TMEM132C: variants seen among roughly 807,000 people sequenced by gnomAD.
The protein encoded by TMEM132C is protein phosphatase 1, regulatory subunit 152.
TMEM132C carries 29 observed loss-of-function variants against 61.4 expected under a neutral mutation model. That is an observed-to-expected ratio of 0.47 (90% CI 0.35 to 0.64). TMEM132C has a LOEUF of 0.64. TMEM132C is among the 30% of genes least tolerant of loss of function. The probability of loss-of-function intolerance (pLI) is 0.00; values close to 1 mark genes in which losing one functional copy is unlikely to be tolerated. For missense variants in TMEM132C, 1,408 were observed against 1,476.9 expected (o/e 0.95, Z 0.76); for synonymous variants, 656 against 633.1 (o/e 1.04, Z -0.54).
At chr12:128,585,549 G>T (rs1327628363) in intron 3 of TMEM132C, among the ~76,000 whole-genome samples, 1 of 152,260 alleles carries the variant, frequency 6.6e-6, no homozygotes, top group Non-Finnish European at 1.5e-5. Flanking sequence ...CATCTATCAT[G>T]GCATTGGGGA....
At chr12:128,352,143 C>T (rs1011109836) in intron 1 of TMEM132C, among the ~76,000 whole-genome samples, 1 of 152,152 alleles carries the variant, frequency 6.6e-6, no homozygotes, top group Non-Finnish European at 1.5e-5. Context: ...AGCCTGTTCT[C>T]ACACTGCTAA....
intron 8 of TMEM132C, among the ~76,000 whole-genome samples, chr12:128,703,499 G>T (rs972391192): frequency 6.6e-6 from 1 of 152,200 alleles, no homozygotes; most frequent in Non-Finnish European, 1.5e-5. Flanking sequence ...TGGCTGCATA[G>T]TATTCCACGG....
At chr12:128,676,934 G>T (rs1241198312) in intron 5 of TMEM132C, among the ~76,000 whole-genome samples, 2 of 152,198 alleles carry the variant, frequency 1.3e-5, no homozygotes, top group Non-Finnish European at 2.9e-5. Context: ...CATCTGAATG[G>T]GAGAGAACCC....
intron 2 of TMEM132C, among the ~76,000 whole-genome samples, chr12:128,430,974 A>G (rs894737460): frequency 2.0e-5 from 3 of 152,218 alleles, no homozygotes; most frequent in African/African-American, 7.2e-5. Flanking sequence ...AGTGAAAGGA[A>G]GGGTCCCACA....
intron 1 of TMEM132C, among the ~76,000 whole-genome samples, chr12:128,305,198 C>T (rs1291843502): frequency 1.3e-5 from 2 of 152,024 alleles, no homozygotes; most frequent in African/African-American, 4.8e-5. Flanking sequence ...CACAGTAGGA[C>T]TCCATCTCTA....
chr12:128,633,656 G>C (rs1954079525), intron 4 of TMEM132C, among the ~76,000 whole-genome samples: 2 of 152,192 alleles, frequency 1.3e-5, no homozygotes, highest in African/African-American at 2.4e-5. Flanking sequence ...AGTTAAGAAG[G>C]CTGGAAGAAT....
intron 8 of TMEM132C, 35 bp from the exon 9 acceptor site, chr12:128,705,055 C>T: frequency 1.3e-6 from 2 of 1,488,022 alleles, no homozygotes; most frequent in South Asian, 1.3e-5. Context: ...AAAGGCATCC[C>T]CCAGGTGGTC....
Position 128,587,780 on chromosome 12 carries a change from A to G in TMEM132C, c.1122-28372A>G, listed in dbSNP as rs1875603648. On this transcript the variant is annotated intron_variant, in intron 3 of 8. Coordinates refer to ENST00000435159, the MANE Select transcript of TMEM132C (RefSeq NM_001136103.3). ...CTCACTTTCAAAGTGATGCATTGAT[A>G]TACAGTTCTCTGTTAAATAAATGTG... 1.3e-5 allele frequency among the ~76,000 whole-genome samples: 2 copies of G among 152,182 alleles called. 1 individual carries two copies. The highest frequency in any genetic ancestry group is 4.1e-4 in the South Asian group (2 of 4,826).
At chr12:128,580,676 G>T (rs1875299716) in intron 3 of TMEM132C, among the ~76,000 whole-genome samples, 1 of 152,132 alleles carries the variant, frequency 6.6e-6, no homozygotes, top group South Asian at 2.1e-4. Context: ...CATTGCACAT[G>T]GCATTGATCA....
At chr12:128,619,495 G>A (rs758194945) in intron 4 of TMEM132C, among the ~76,000 whole-genome samples, 9 of 152,190 alleles carry the variant, frequency 5.9e-5, no homozygotes, top group Non-Finnish European at 1.0e-4. Flanking sequence ...CTGGTCCCTG[G>A]GCACTCTTTT....
chr12:128,478,074 G>C (rs11059709), intron 2 of TMEM132C, among the ~76,000 whole-genome samples: 2,374 of 152,268 alleles, frequency 0.016, 85 homozygotes, highest in African/African-American at 0.054. Flanking sequence ...TCTATGAGTA[G>C]TTATTTTTAA....
chr12:128,424,040 CTG>C (rs1290421398), intron 2 of TMEM132C, among the ~76,000 whole-genome samples: 1 of 92,356 alleles, frequency 1.1e-5, no homozygotes, highest in African/African-American at 4.1e-5. Flanking sequence ...GAGCGAGACT[CTG>C]TCTCAAAAAA....
intron 5 of TMEM132C, among the ~76,000 whole-genome samples, chr12:128,679,560 C>T (rs1954617274): frequency 6.6e-6 from 1 of 152,116 alleles, no homozygotes; most frequent in South Asian, 2.1e-4. Flanking sequence ...CAGGCAAAGC[C>T]CTGAAAGCAC....
intron 3 of TMEM132C, among the ~76,000 whole-genome samples, chr12:128,603,733 C>T (rs186181480): frequency 2.2e-4 from 34 of 152,182 alleles, no homozygotes; most frequent in Admixed American, 1.4e-3. Context: ...ACTCAGGGTG[C>T]GGTAAAGAAG....
intron 1 of TMEM132C, among the ~76,000 whole-genome samples, chr12:128,324,224 G>A (rs374637377): frequency 6.6e-6 from 1 of 151,252 alleles, no homozygotes; most frequent in African/African-American, 2.5e-5. Flanking sequence ...ACCAGATGTG[G>A]TGGTGGTTGA....
intron 4 of TMEM132C, among the ~76,000 whole-genome samples, chr12:128,622,959 A>G (rs191326096): frequency 2.3e-4 from 35 of 152,292 alleles, no homozygotes; most frequent in Non-Finnish European, 3.5e-4. Context: ...AAAAATAACT[A>G]TATGGACAGA....
At chr12:128,661,202 A>C (rs1954386192) in intron 4 of TMEM132C, among the ~76,000 whole-genome samples, 1 of 152,268 alleles carries the variant, frequency 6.6e-6, no homozygotes, top group African/African-American at 2.4e-5. Context: ...CTTCCTGTTC[A>C]GGGAAGCCTC....
chr12:128,296,641 G>A (rs1350616940), intron 1 of TMEM132C, among the ~76,000 whole-genome samples: 1 of 152,140 alleles, frequency 6.6e-6, no homozygotes. Flanking sequence ...AGCTGGATTC[G>A]CCTTAAAGGG....
intron 1 of TMEM132C, among the ~76,000 whole-genome samples, chr12:128,272,113 C>A (rs1162161354): frequency 6.6e-6 from 1 of 152,194 alleles, no homozygotes; most frequent in Non-Finnish European, 1.5e-5. Context: ...CACACAGTCA[C>A]GTAAACATCA....
Sources: allele counts gnomAD v4.1 joint callset (sites outside exome capture counted in the v4.1 genomes callset), GRCh38; gene constraint gnomAD v4.1.1; transcripts MANE v1.5; gene names NCBI Gene and HGNC (gene_info 2026-07-23, HGNC 2026-07-21).